Variants in GREB1 observed in about 807,000 individuals in gnomAD.
GREB1 encodes the protein growth regulating estrogen receptor binding 1, also known as protein GREB1.
GREB1 carries 106 observed loss-of-function variants against 200.7 expected under a neutral mutation model. The ratio of observed to expected loss-of-function variants is 0.53; its 90% confidence interval spans 0.45 to 0.62. The LOEUF is 0.62. Among genes scored for constraint, GREB1 ranks in the 20% least tolerant of loss-of-function variants. GREB1 has a pLI of 0.00. For synonymous variants in GREB1, 1,132 were observed against 1,092.4 expected, an observed-to-expected ratio of 1.04 and a Z score of -0.72; for missense variants, 2,243 against 2,556.8, an observed-to-expected ratio of 0.88 and a Z score of 2.65.
chr2:11,622,136 A>C (rs552995941), intron 23 of GREB1, among the ~76,000 whole-genome samples: 6 of 152,196 alleles, frequency 3.9e-5, no homozygotes, highest in Non-Finnish European at 8.8e-5. Context: ...GCTGGAGTGC[A>C]GTGGCACCAT....
chr2:11,556,596 A>G lies in GREB1; in HGVS notation c.-19A>G, dbSNP rs755118973. The G allele has an allele frequency of 5.0e-6, 8 of 1,596,448 alleles. No homozygotes were observed. The highest frequency in any genetic ancestry group is 1.7e-5 in the Admixed American group (1 of 58,842). On this transcript the variant is annotated 5_prime_UTR_variant, in exon 2 of 33. Transcript: ENST00000381486. Reference sequence around the variant, plus strand: ...AATCTGAGATGCCATTTTAAACAGAAGACTCCATCCTCTTGAAGATGGGAA... The same window carrying G: ...AATCTGAGATGCCATTTTAAACAGAGGACTCCATCCTCTTGAAGATGGGAA...
intron 1 of GREB1, among the ~76,000 whole-genome samples, chr2:11,537,461 G>T (rs755624480): frequency 1.3e-5 from 2 of 151,746 alleles, no homozygotes; most frequent in Admixed American, 6.6e-5. Flanking sequence ...CCATTTTTCA[G>T]TTGGGGAAAC....
chr2:11,557,396 T>C (rs1676531687), intron 2 of GREB1, among the ~76,000 whole-genome samples: 1 of 152,248 alleles, frequency 6.6e-6, no homozygotes, highest in South Asian at 2.1e-4. Context: ...GTTCTTTTTG[T>C]AAGTTGATGT....
intron 1 of GREB1, among the ~76,000 whole-genome samples, chr2:11,555,931 G>A: frequency 6.6e-6 from 1 of 152,108 alleles, no homozygotes; most frequent in East Asian, 1.9e-4. Flanking sequence ...GTGATTTTTG[G>A]GGGGATAGAA....
At chr2:11,603,150 G>A (rs543219103) in intron 17 of GREB1, among the ~76,000 whole-genome samples, 5 of 152,274 alleles carry the variant, frequency 3.3e-5, no homozygotes, top group African/African-American at 9.6e-5. Flanking sequence ...TGTCGCAACA[G>A]ACCTCATTTT....
At position 11,633,353 on chromosome 2, in the gene GREB1, G is replaced by C. The variant is rs572299071; in HGVS notation, c.4991+290G>C. 2.0e-5 allele frequency among the ~76,000 whole-genome samples: 3 copies of C among 152,190 alleles called. No individual in the cohort carries two copies. The highest frequency in any genetic ancestry group is 7.2e-5 in the African/African-American group (3 of 41,526). On this transcript the variant is annotated intron_variant, in intron 28 of 32. Transcript: ENST00000381486. This position sits in a 1 kb window ranked among gnomAD's most constrained non-coding sequence, Gnocchi z 4.1. ...TGAGGTGGGTGGATCACGAGGTCAGGAGATCGAGACCATCCTGGCTAACAC... is the reference window on the plus strand; with the variant it reads ...TGAGGTGGGTGGATCACGAGGTCAGCAGATCGAGACCATCCTGGCTAACAC...
At chr2:11,588,227 CAAA>C (rs796838611) in intron 9 of GREB1, 116 of 749,608 alleles carry the variant, frequency 1.5e-4, no homozygotes, top group South Asian at 8.0e-4. Context: ...GACACTGTCT[CAAA>C]AAAAAAAAAA....
chr2:11,605,821 G>GT (rs1558622220), intron 17 of GREB1, among the ~76,000 whole-genome samples: 1 of 151,994 alleles, frequency 6.6e-6, no homozygotes, highest in East Asian at 1.9e-4. Flanking sequence ...GAATACTATC[G>GT]TATGGCCATA....
chr2:11,555,099 G>C (rs572054268), intron 1 of GREB1, among the ~76,000 whole-genome samples: 1 of 152,102 alleles, frequency 6.6e-6, no homozygotes, highest in South Asian at 2.1e-4. Flanking sequence ...AAATGTCTTC[G>C]TTGTTAATGA....
At chr2:11,599,057 G>T (rs1488965746) in intron 15 of GREB1, among the ~76,000 whole-genome samples, 197 bp downstream of exon 15, 1 of 152,172 alleles carries the variant, frequency 6.6e-6, no homozygotes, top group Non-Finnish European at 1.5e-5. Flanking sequence ...TGTGACCTCT[G>T]AAATTTACCA....
rs1411128755 is a variant in GREB1, at chr2:11,492,186, T to C, written c.-159+9805T>C. Among the ~76,000 whole-genome samples, 1 of 152,236 alleles carries C rather than the reference T, an allele frequency of 6.6e-6. No homozygotes were observed. Among genetic ancestry groups the C allele is most frequent in the Non-Finnish European group, 1.5e-5 (1 of 68,040 alleles). The stretch of plus-strand genomic sequence containing the variant: ...TACTCTGGGATTGTTCACCTAGCAC[T>C]GGAGCATCGTCATGGACACGCCAGG... On this transcript the variant is annotated intron_variant, in intron 1 of 2. Transcript: ENST00000628795. This position sits in a 1 kb window ranked among gnomAD's most constrained non-coding sequence, Gnocchi z 4.0.
In GREB1 at chr2:11,597,632, C is replaced by T; in HGVS notation, c.1955-149C>T. On this transcript the variant is annotated intron_variant, in intron 13 of 32. Coordinates refer to ENST00000381486, the MANE Select transcript of GREB1 (RefSeq NM_014668.4). The surrounding 1 kb of genome is among the most constrained non-coding windows in gnomAD (Gnocchi z 4.1). ...GCCACTGCTTAGCTGAGAGCAGGGA[C>T]TTGATAAACGTGAGTTATTCCCCTT... 1 of 682,932 alleles carries T rather than the reference C, an allele frequency of 1.5e-6. No homozygotes were observed. Among genetic ancestry groups the T allele is most frequent in the Admixed American group, 2.3e-5 (1 of 43,770 alleles). The allele number at this position is 682,932 out of a possible 1,614,324, so 42.3% of individuals were successfully genotyped here. A position where few individuals can be genotyped will look rare whatever the true frequency, so the allele number is the denominator to read the frequency against.
intron 11 of GREB1, among the ~76,000 whole-genome samples, chr2:11,594,007 A>T (rs1328125712): frequency 1.3e-5 from 2 of 152,092 alleles, no homozygotes; most frequent in African/African-American, 4.8e-5. Flanking sequence ...GCAGAATTTA[A>T]TGCACTTTTT....
In GREB1 at chr2:11,637,820, C is replaced by G; in HGVS notation, c.5451C>G (p.Phe1817Leu). ...AAPAQLLLEKFLQHHSHLFFP... is the reference protein window; with the variant it reads ...AAPAQLLLEKLLQHHSHLFFP... Reference sequence around the variant, plus strand: ...CCGCCCAGCTCCTGCTGGAGAAGTTCCTGCAGCACCACAGCCACCTCTTCT... The same window carrying G: ...CCGCCCAGCTCCTGCTGGAGAAGTTGCTGCAGCACCACAGCCACCTCTTCT... Residue 1817 changes from phenylalanine to leucine, a missense_variant, in exon 31 of 33, where the codon TTC becomes TTG. By Grantham distance (22) the Phe-to-Leu change is conservative (BLOSUM62 0). Around this residue, in one of 3 missense-constraint regions of GREB1, gnomAD observed 478 missense variants for 616.3 expected, o/e 0.78. Coordinates refer to ENST00000381486, the MANE Select transcript of GREB1 (RefSeq NM_014668.4). 6.2e-7 allele frequency: 1 copy of G among 1,614,206 alleles called. No homozygotes were observed. Among genetic ancestry groups the G allele is most frequent in the African/African-American group, 1.3e-5 (1 of 75,058 alleles).
intron 4 of GREB1, among the ~76,000 whole-genome samples, chr2:11,570,929 TC>T (rs1021228497): frequency 2.0e-5 from 3 of 152,134 alleles, no homozygotes; most frequent in Non-Finnish European, 4.4e-5. Context: ...CTGCCCCACT[TC>T]CTGTCTCACC....
At chr2:11,556,849 C>T (rs1676481021) in intron 2 of GREB1, 78 bp downstream of exon 2, 1 of 1,098,752 alleles carries the variant, frequency 9.1e-7, no homozygotes. Flanking sequence ...ACTTGAAACT[C>T]TTTTCTTTAT....
At chr2:11,516,128 C>G (rs907437294) in intron 1 of GREB1, among the ~76,000 whole-genome samples, 1 of 152,216 alleles carries the variant, frequency 6.6e-6, no homozygotes, top group Non-Finnish European at 1.5e-5. Flanking sequence ...CACACCCGAT[C>G]TTTAGACTTG....
At position 11,641,152 on chromosome 2, in the gene GREB1, T is replaced by TGG. The variant is rs1553388025; in HGVS notation, c.*698_*699insGG. The TGG allele has an allele frequency of 7.4e-6, 1 of 135,958 alleles. No individual in the cohort carries two copies. The highest frequency in any genetic ancestry group is 7.7e-5 in the Admixed American group (1 of 12,906). The allele number at this position is 135,958 out of a possible 1,614,324, so 8.4% of individuals were successfully genotyped here. A position where few individuals can be genotyped will look rare whatever the true frequency, so the allele number is the denominator to read the frequency against. ...CTAAAAGGGTTTTTTGGGGGGGGAG[T>TGG]TGGCGGGGAGGAAATAAGGCTAACA... On this transcript the variant is annotated 3_prime_UTR_variant, in exon 33 of 33. Transcript: ENST00000381486.
intron 1 of GREB1, among the ~76,000 whole-genome samples, chr2:11,534,621 C>T (rs189292649): frequency 2.0e-4 from 31 of 152,270 alleles, no homozygotes; most frequent in South Asian, 4.1e-4. Context: ...CAGGCTCACC[C>T]GTGAGAGCTC....
Sources: gnomAD v4.1 joint callset for allele counts (sites outside exome capture counted in the v4.1 genomes callset) on GRCh38, gnomAD v4.1.1 for gene constraint, gnomAD v4.1.1 regional missense constraint, Gnocchi (gnomAD v3.1) non-coding constraint, MANE v1.5 for transcripts, NCBI Gene and HGNC (gene_info 2026-07-23, HGNC 2026-07-21) for gene names.